The following CUX1 variants were observed in gnomAD, a reference collection of about 807,000 sequenced individuals.
CUX1 encodes the protein cut like homeobox 1.
CUX1 carries 31 observed loss-of-function variants against 158.8 expected under a neutral mutation model. The observed-to-expected ratio is 0.20, with a 90% CI of 0.15 to 0.26. CUX1 has a LOEUF of 0.26. CUX1 is among the 10% of genes least tolerant of loss of function. The pLI is 1.00. For synonymous variants in CUX1, 879 were observed against 862.1 expected, an observed-to-expected ratio of 1.02 and a Z score of -0.34; for missense variants, 1,589 against 2,014.6, an observed-to-expected ratio of 0.79 and a Z score of 4.04.
At chr7:102,276,807 TGG>T (rs1449222974) in intron 17 of CUX1, among the ~76,000 whole-genome samples, 3 of 151,856 alleles carry the variant, frequency 2.0e-5, no homozygotes, top group Non-Finnish European at 4.4e-5. Flanking sequence ...GAGGAGGGAA[TGG>T]GGAGTGACTG....
chr7:102,182,347 G>A (rs1210977559), intron 11 of CUX1, among the ~76,000 whole-genome samples: 1 of 152,202 alleles, frequency 6.6e-6, no homozygotes, highest in Non-Finnish European at 1.5e-5. Context: ...GATACTTTCT[G>A]TAGTTGGATA....
intron 18 of CUX1, among the ~76,000 whole-genome samples, chr7:102,202,643 A>G (rs1272675722): frequency 2.6e-5 from 4 of 152,208 alleles, no homozygotes; most frequent in African/African-American, 9.6e-5. Context: ...GATCACACAG[A>G]GGGACCACCA....
intron 2 of CUX1, chr7:101,960,273 A>G (rs1439430316): frequency 6.6e-6 from 1 of 152,170 alleles, no homozygotes; most frequent in African/African-American, 2.4e-5. Flanking sequence ...AATTAATCGG[A>G]TGACTGATTA....
chr7:102,151,064 A>C (rs893862934), intron 8 of CUX1, among the ~76,000 whole-genome samples: 1 of 152,228 alleles, frequency 6.6e-6, no homozygotes, highest in Non-Finnish European at 1.5e-5. Flanking sequence ...AGAATGAAAA[A>C]TCTTTGGAAT....
intron 1 of CUX1, among the ~76,000 whole-genome samples, chr7:101,837,828 CAAAAAAAAAAAAAAA>C (rs200090006): frequency 9.0e-5 from 4 of 44,376 alleles, no homozygotes; most frequent in East Asian, 6.8e-4. Context: ...GAGACCCTGT[CAAAAAAAAAAAAAAA>C]AAAAAAAAAA....
At chr7:102,197,941 G>A (rs1451624453) in intron 15 of CUX1, among the ~76,000 whole-genome samples, 1 of 152,136 alleles carries the variant, frequency 6.6e-6, no homozygotes, top group Non-Finnish European at 1.5e-5. Flanking sequence ...AAGATAAAAT[G>A]TCAGTCACAT....
chr7:102,232,907 G>A (rs1035514727), intron 21 of CUX1, among the ~76,000 whole-genome samples: 27 of 152,152 alleles, frequency 1.8e-4, no homozygotes, highest in Non-Finnish European at 3.1e-4. Flanking sequence ...AATTGGAATC[G>A]GCCGGCCTCT....
intron 3 of CUX1, among the ~76,000 whole-genome samples, chr7:102,062,543 C>T (rs898116634): frequency 3.9e-5 from 6 of 152,164 alleles, no homozygotes; most frequent in African/African-American, 1.4e-4. Context: ...GACAGGGTCT[C>T]ACTGTCACCC....
intron 1 of CUX1, among the ~76,000 whole-genome samples, chr7:101,880,083 T>C (rs1799560286): frequency 6.6e-6 from 1 of 152,096 alleles, no homozygotes; most frequent in Non-Finnish European, 1.5e-5. Context: ...CTGATTTTTT[T>C]TTAAAAAGGC....
intron 2 of CUX1, among the ~76,000 whole-genome samples, chr7:101,921,536 C>T (rs1804941314): frequency 6.6e-6 from 1 of 152,080 alleles, no homozygotes; most frequent in African/African-American, 2.4e-5. Flanking sequence ...TCTCTGCTCA[C>T]TGCAACCTCC....
intron 20 of CUX1, among the ~76,000 whole-genome samples, chr7:102,211,126 C>T (rs1266957137): frequency 3.9e-5 from 6 of 152,146 alleles, no homozygotes; most frequent in African/African-American, 9.7e-5. Context: ...GCTGATTGCA[C>T]CCCTGGGCAT....
At chr7:102,067,229 CTTTTTTTTT>C (rs34912215) in intron 3 of CUX1, among the ~76,000 whole-genome samples, 1 of 94,018 alleles carries the variant, frequency 1.1e-5, no homozygotes, top group Non-Finnish European at 1.9e-5. Context: ...TTTCATGTAA[CTTTTTTTTT>C]TTTTTTTTTT....
intron 14 of CUX1, chr7:102,273,342 G>C: frequency 3.1e-6 from 5 of 1,608,002 alleles, no homozygotes; most frequent in Non-Finnish European, 3.4e-6. Flanking sequence ...TCCCTCTGAC[G>C]GCCATGTCTT....
At position 102,234,089 on chromosome 7, in the gene CUX1, C is replaced by T; in HGVS notation, c.3471C>T (p.Thr1157=). The T allele has an allele frequency of 6.3e-7, 1 of 1,584,770 alleles. No homozygotes were observed. Among genetic ancestry groups the T allele is most frequent in the Non-Finnish European group, 8.6e-7 (1 of 1,167,194 alleles). The change falls in exon 22 of 24, where the codon ACC becomes ACT. Residue 1157 remains threonine (T), a synonymous_variant. Transcript: ENST00000292535. ...RLFGETILGL[T]QGSVSDLLAR... ...TTGGGGAGACCATCTTAGGGCTCAC[C>T]CAAGGCTCTGTCTCTGACCTCCTTG...
At position 102,248,686 on chromosome 7, in the gene CUX1, G is replaced by A. The variant is rs2132620977; in HGVS notation, c.4162G>A (p.Asp1388Asn). The A allele has an allele frequency of 3.1e-6, 4 of 1,283,056 alleles. No individual in the cohort carries two copies. Among genetic ancestry groups the A allele is most frequent in the African/African-American group, 1.6e-5 (1 of 61,570 alleles). The allele number at this position is 1,283,056 out of a possible 1,614,324, so 79.5% of individuals were successfully genotyped here. The change falls in exon 24 of 24, where the codon GAC becomes AAC. Residue 1388 changes from aspartate (D) to asparagine (N), a missense_variant. Physicochemically the swap from Asp to Asn is conservative, Grantham distance 23 (BLOSUM62 1). This residue lies in a region of CUX1 where 344 missense variants were observed against 323.7 expected (regional missense o/e 1.06). Transcript: ENST00000292535. This position sits in a 1 kb window ranked among gnomAD's most constrained non-coding sequence, Gnocchi z 5.8. ...GACCCCGGGCCCGGACGACGCCCGC[G>A]ACGACGACCACGAGGGAGGCCCCGT... Reference protein sequence around the residue: ...SGTPGPDDARDDDHEGGPVEG... With the variant: ...SGTPGPDDARNDDHEGGPVEG...
intron 1 of CUX1, among the ~76,000 whole-genome samples, chr7:101,887,957 T>C (rs1800421915): frequency 6.6e-6 from 1 of 152,022 alleles, no homozygotes; most frequent in Non-Finnish European, 1.5e-5. Context: ...GAGAACGCAT[T>C]CAATGTCAAG....
At chr7:102,173,543 T>A (rs1370543397) in intron 10 of CUX1, among the ~76,000 whole-genome samples, 3 of 152,134 alleles carry the variant, frequency 2.0e-5, no homozygotes, top group Non-Finnish European at 4.4e-5. Flanking sequence ...GCACCATGGC[T>A]AGGGTGGGAG....
chr7:102,206,967 C>G (rs782646792), intron 20 of CUX1, among the ~76,000 whole-genome samples: 1 of 152,108 alleles, frequency 6.6e-6, no homozygotes, highest in East Asian at 1.9e-4. Flanking sequence ...TGCTAATGAT[C>G]GATGCCAGAA....
rs181646806 is a variant in CUX1, at chr7:102,079,012, G to A, written c.268+8595G>A. Among the ~76,000 whole-genome samples, 24 of 152,310 alleles carry A rather than the reference G, an allele frequency of 1.6e-4. 1 individual carries two copies. The East Asian group carries it at 3.9e-3, about 24-fold the overall frequency. On this transcript the variant is annotated intron_variant, in intron 4 of 23. Transcript: ENST00000292535. ...TCCAGGAGAATAAAATAGCAGTCTG[G>A]TTCTTGGTGCCTGCTACTTTCAAGT...
Sources: allele counts gnomAD v4.1 joint callset (sites outside exome capture counted in the v4.1 genomes callset), GRCh38; gene constraint gnomAD v4.1.1; regional missense constraint gnomAD v4.1.1; non-coding constraint Gnocchi (gnomAD v3.1); transcripts MANE v1.5; gene names NCBI Gene and HGNC (gene_info 2026-07-23, HGNC 2026-07-21).